DPYD: variants seen among roughly 807,000 people sequenced by gnomAD.
DPYD encodes the protein dihydropyrimidine dehydrogenase [NADP(+)].
In DPYD, 109 loss-of-function variants were observed where a neutral mutation model predicts 116.2. The observed-to-expected ratio is 0.94, with a 90% CI of 0.80 to 1.10. The LOEUF (loss-of-function observed/expected upper bound fraction) is 1.10. DPYD is among the 50% of genes least tolerant of loss of function. DPYD has a pLI of 0.00. For missense variants in DPYD, 1,302 were observed against 1,254.5 expected, an observed-to-expected ratio of 1.04 and a Z score of -0.57; for synonymous variants, 440 against 432.0, an observed-to-expected ratio of 1.02 and a Z score of -0.23.
At chr1:97,614,688 C>A (rs1656156519) in intron 8 of DPYD, among the ~76,000 whole-genome samples, 1 of 152,074 alleles carries the variant, frequency 6.6e-6, no homozygotes, top group Non-Finnish European at 1.5e-5. Context: ...CATCAAGATG[C>A]ACACTTTTCA....
At chr1:97,452,827 C>A (rs1243236147) in intron 13 of DPYD, among the ~76,000 whole-genome samples, 1 of 152,078 alleles carries the variant, frequency 6.6e-6, no homozygotes, top group East Asian at 1.9e-4. Context: ...TCCACATTAG[C>A]AGATGCTGCT....
intron 7 of DPYD, among the ~76,000 whole-genome samples, chr1:97,683,294 T>C (rs1331286765): frequency 6.6e-6 from 1 of 151,910 alleles, no homozygotes; most frequent in Non-Finnish European, 1.5e-5. Flanking sequence ...AGAAATAATA[T>C]GATTTTATAT....
Sources: gnomAD v4.1 joint callset for allele counts (sites outside exome capture counted in the v4.1 genomes callset) on GRCh38, gnomAD v4.1.1 for gene constraint, MANE v1.5 for transcripts, NCBI Gene and HGNC (gene_info 2026-07-23, HGNC 2026-07-21) for gene names.